WDR62: variants seen among roughly 807,000 people sequenced by gnomAD.
The protein encoded by WDR62 is WD repeat domain 62.
WDR62 carries 112 observed loss-of-function variants against 160.6 expected under a neutral mutation model. That is an observed-to-expected ratio of 0.70 (90% CI 0.60 to 0.82). The LOEUF (loss-of-function observed/expected upper bound fraction) is 0.82, where lower values mean the gene tolerates loss of function less well. WDR62 is among the 40% of genes least tolerant of loss of function. The pLI, the probability that WDR62 is intolerant of heterozygous loss-of-function variation, is 0.00. For synonymous variants in WDR62, 792 were observed against 815.1 expected (o/e 0.97, Z 0.48); for missense variants, 1,819 against 1,983.8 (o/e 0.92, Z 1.58).
rs563818254 is a variant in WDR62, at chr19:36,058,947, C to A, written c.269+76C>A. The A allele has an allele frequency of 1.3e-5, 16 of 1,202,720 alleles. No individual in the cohort carries two copies. The East Asian group carries it at 3.5e-4, about 26-fold the overall frequency. 74.5% of individuals were successfully genotyped at this position (1,202,720 alleles called of 1,614,324 possible). On this transcript the variant is annotated intron_variant, in intron 2 of 31. Coordinates refer to ENST00000401500, the MANE Select transcript of WDR62 (RefSeq NM_001083961.2). ...TTGGAACCTGAAGCCATCCGTAAAT[C>A]GCTCTGAGCCTCATATTTTTCACCT...
At chr19:36,097,624 C>T (rs953140438) in intron 21 of WDR62, among the ~76,000 whole-genome samples, 10 of 152,138 alleles carry the variant, frequency 6.6e-5, no homozygotes, top group African/African-American at 2.2e-4. Flanking sequence ...TGGTTCATGC[C>T]TGTGATCCCA....
chr19:36,107,326 A>T (rs11084841), downstream of WDR62, among the ~76,000 whole-genome samples: 1 of 152,222 alleles, frequency 6.6e-6, no homozygotes, highest in Non-Finnish European at 1.5e-5. Flanking sequence ...CCCTGACTGA[A>T]GTGCCTGGCA....
rs1972525894 is a variant in WDR62 at position 36,090,475 on chromosome 19, G to A, written c.1989G>A (p.Lys663=). The A allele has an allele frequency of 2.5e-6, 4 of 1,614,132 alleles. No homozygotes were observed. The highest frequency in any genetic ancestry group is 3.4e-6 in the Non-Finnish European group (4 of 1,180,004). Residue 663 remains lysine (K), a synonymous_variant, in exon 16 of 32, where the codon AAG becomes AAA. Coordinates refer to ENST00000401500, the MANE Select transcript of WDR62 (RefSeq NM_001083961.2). ...ACAACACTGTGAACGGGAAGCAGAA[G>A]AAGTGCTACAAGGGCTCCCAGGGTG... The part of the protein sequence containing the change: ...RVYNTVNGKQ[K]KCYKGSQGDE...
chr19:36,101,008 G>A (rs945144845), intron 23 of WDR62, 133 bp downstream of exon 23: 33 of 1,456,336 alleles, frequency 2.3e-5, no homozygotes, highest in Non-Finnish European at 3.0e-5. Flanking sequence ...GATGGGGCAG[G>A]AGCCCAGCCT....
intron 15 of WDR62, 94 bp from the exon 16 acceptor site, chr19:36,090,351 G>A (rs1972515393): frequency 5.2e-6 from 6 of 1,162,538 alleles, no homozygotes; most frequent in Non-Finnish European, 7.8e-6. Context: ...GGTAGCAGGG[G>A]GCTTCCAGGG....
At position 36,101,282 on chromosome 19, in the gene WDR62, C is replaced by T. The variant is rs762606236; in HGVS notation, c.2936C>T (p.Ser979Phe). The change falls in exon 24 of 32, where the codon TCC becomes TTC. Residue 979 changes from serine (S) to phenylalanine (F), a missense_variant. Around this residue, in one of 3 missense-constraint regions of WDR62, gnomAD observed 770 missense variants for 734.2 expected, o/e 1.05. Coordinates refer to ENST00000401500, the MANE Select transcript of WDR62 (RefSeq NM_001083961.2). ...CAGGGCGACTCCTACCTCAGGGTGT[C>T]CTCCGACAGCCCAAAGGACCAGAGC... The part of the protein sequence containing the change: ...DQQGDSYLRV[S>F]SDSPKDQSPP... 3 of 1,612,538 alleles carry T rather than the reference C, an allele frequency of 1.9e-6. No individual in the cohort carries two copies. The South Asian group carries it at 3.3e-5, about 18-fold the overall frequency.
In WDR62 at chr19:36,054,949, G is replaced by A. The variant is rs1384460411; in HGVS notation, c.-23G>A. ...GGCAGCGGCGGTTAGGGGATGTAACGGTCGCCCGCCTCCGGCGTGACGATG... is the reference window on the plus strand; with the variant it reads ...GGCAGCGGCGGTTAGGGGATGTAACAGTCGCCCGCCTCCGGCGTGACGATG... On this transcript the variant is annotated 5_prime_UTR_variant, in exon 1 of 32. Coordinates refer to ENST00000401500, the MANE Select transcript of WDR62 (RefSeq NM_001083961.2). The A allele has an allele frequency of 1.9e-6, 3 of 1,568,456 alleles. No individual in the cohort carries two copies. The highest frequency in any genetic ancestry group is 2.6e-6 in the Non-Finnish European group (3 of 1,158,122).
chr19:36,087,031 C>T (rs960090074), intron 13 of WDR62, among the ~76,000 whole-genome samples: 1 of 151,562 alleles, frequency 6.6e-6, no homozygotes, highest in African/African-American at 2.4e-5. Flanking sequence ...GTCAGGAGTT[C>T]GGGACCTTCC....
intron 20 of WDR62, 102 bp downstream of exon 20, chr19:36,094,266 G>A: frequency 6.7e-7 from 1 of 1,502,164 alleles, no homozygotes; most frequent in East Asian, 2.3e-5. Context: ...TTAAAACTCA[G>A]GAGTCGACAG....
chr19:36,064,584 T>C (rs1970837047), intron 3 of WDR62, among the ~76,000 whole-genome samples: 1 of 146,604 alleles, frequency 6.8e-6, no homozygotes, highest in Admixed American at 6.7e-5. Flanking sequence ...CAGCCCCACT[T>C]CTTTTTTTCT....
chr19:36,103,375 C>G lies in WDR62; in HGVS notation c.3547C>G (p.Pro1183Ala), dbSNP rs754095729. The G allele has an allele frequency of 1.2e-6, 2 of 1,613,996 alleles. No homozygotes were observed. Among genetic ancestry groups the G allele is most frequent in the African/African-American group, 1.3e-5 (1 of 74,888 alleles). Residue 1183 changes from proline (P) to alanine (A), a missense_variant, in exon 30 of 32, where the codon CCT becomes GCT. By Grantham distance (27) the Pro-to-Ala change is conservative. Coordinates refer to ENST00000401500, the MANE Select transcript of WDR62 (RefSeq NM_001083961.2). ...CCTTACGAGCCTGGCGTCCTGTGTC[C>G]CTGCTTCCTCCGTGCTGCCCACAGA... ...PCLTSLASCV[P>A]ASSVLPTDRN...
At chr19:36,094,579 TAAATA>T (rs922451290) in intron 20 of WDR62, among the ~76,000 whole-genome samples, 4 of 145,156 alleles carry the variant, frequency 2.8e-5, no homozygotes, top group African/African-American at 7.7e-5. Context: ...AATAATAATA[TAAATA>T]AAATAAATAA....
intron 3 of WDR62, among the ~76,000 whole-genome samples, chr19:36,064,222 A>C (rs199503328): frequency 1.3e-5 from 2 of 152,324 alleles, no homozygotes; most frequent in East Asian, 3.9e-4. Context: ...CCTGCATGTC[A>C]TAAGTCCAGA....
rs748349996 is a variant in WDR62, at chr19:36,066,313, G to A, written c.447G>A (p.Ala149=). Residue 149 remains alanine, a synonymous_variant, in exon 5 of 32, where the codon GCG becomes GCA. Coordinates refer to ENST00000401500, the MANE Select transcript of WDR62 (RefSeq NM_001083961.2). ...ATGTGGAGGAGAAGAATCAGGTGGC[G>A]GAGATGCTAGGCCACAAGTATGGTG... is the stretch of plus-strand genomic sequence containing the variant. The part of the protein sequence containing the change: ...IWDVEEKNQV[A]EMLGHKYGVA... 5.8e-5 allele frequency: 94 copies of A among 1,614,110 alleles called. No homozygotes were observed. Among genetic ancestry groups the A allele is most frequent in the Admixed American group, 5.0e-4 (30 of 60,004 alleles).
At chr19:36,064,601 G>C (rs1970838042) in intron 3 of WDR62, among the ~76,000 whole-genome samples, 1 of 133,692 alleles carries the variant, frequency 7.5e-6, no homozygotes, top group Non-Finnish European at 1.6e-5. Context: ...TTCTCTAGAC[G>C]GAGTCTTGGT....
intron 14 of WDR62, 31 bp downstream of exon 14, chr19:36,089,136 G>GGT: frequency 6.2e-7 from 1 of 1,613,604 alleles, no homozygotes. Flanking sequence ...TGGGGGCTGG[G>GGT]GTGGGGGGTT....
At chr19:36,088,747 C>G (rs1474111630) in intron 13 of WDR62, among the ~76,000 whole-genome samples, 3 of 152,252 alleles carry the variant, frequency 2.0e-5, no homozygotes, top group Non-Finnish European at 4.4e-5. Flanking sequence ...CTCAAGTCAC[C>G]TATCTCAATC....
At position 36,065,839 on chromosome 19, in the gene WDR62, C is replaced by T. The variant is rs1311282051; in HGVS notation, c.333-119C>T. ...TGGGAGCTGCTTGAGCTCACCTCTG[C>T]TGGCCTCTTCCGAGGCTTGGGAGGC... On this transcript the variant is annotated intron_variant, in intron 3 of 31. Coordinates refer to ENST00000401500, the MANE Select transcript of WDR62 (RefSeq NM_001083961.2). The T allele has an allele frequency of 2.1e-6, 2 of 974,862 alleles. 1 individual carries two copies. The highest frequency in any genetic ancestry group is 2.6e-5 in the South Asian group (2 of 78,106). The allele number at this position is 974,862 out of a possible 1,614,324, so 60.4% of individuals were successfully genotyped here.
chr19:36,087,454 C>T (rs1240606316), intron 13 of WDR62, among the ~76,000 whole-genome samples: 2 of 151,026 alleles, frequency 1.3e-5, no homozygotes, highest in East Asian at 3.9e-4. Context: ...TTGCAGTGAG[C>T]CAAGATTGCG....
Sources: gnomAD v4.1 joint callset for allele counts (sites outside exome capture counted in the v4.1 genomes callset) on GRCh38, gnomAD v4.1.1 for gene constraint, gnomAD v4.1.1 regional missense constraint, MANE v1.5 for transcripts, NCBI Gene and HGNC (gene_info 2026-07-23, HGNC 2026-07-21) for gene names.